Variants in TNFRSF19 observed in about 807,000 individuals in gnomAD.
The protein encoded by TNFRSF19 is tumor necrosis factor receptor superfamily member 19.
Under a neutral mutation model 46.4 loss-of-function variants are expected in TNFRSF19, and 27 were observed. That is an observed-to-expected ratio of 0.58 (90% CI 0.43 to 0.80). The LOEUF is 0.80. Ranked by LOEUF, TNFRSF19 falls within the 30% of genes least tolerant of loss-of-function variation. The pLI is 0.00. For missense variants in TNFRSF19, 511 were observed against 530.8 expected (o/e 0.96, Z 0.37); for synonymous variants, 204 against 205.0 (o/e 1.00, Z 0.04).
At chr13:23,649,359 G>A (rs1952704821) in intron 5 of TNFRSF19, among the ~76,000 whole-genome samples, 1 of 152,010 alleles carries the variant, frequency 6.6e-6, no homozygotes, top group African/African-American at 2.4e-5. Context: ...GCATATGACT[G>A]TTTATAGTAT....
At chr13:23,582,320 G>C (rs1287991591) in intron 1 of TNFRSF19, among the ~76,000 whole-genome samples, 1 of 151,538 alleles carries the variant, frequency 6.6e-6, no homozygotes, top group Admixed American at 6.6e-5. Flanking sequence ...AGAATGGCGT[G>C]AACCCGGGAG....
intron 9 of TNFRSF19, among the ~76,000 whole-genome samples, chr13:23,671,052 T>G (rs1473152826): frequency 1.3e-5 from 2 of 152,246 alleles, no homozygotes; most frequent in African/African-American, 4.8e-5. Flanking sequence ...GCCTGCTTTT[T>G]TTCTGTGTAT....
chr13:23,599,367 C>T lies in TNFRSF19; in HGVS notation c.180+5912C>T, dbSNP rs1022353961. Reference sequence around the variant, plus strand: ...ATATTTGAAGAGATTTATTCTGAGCCAAAAATGTGTGACCAGTGGCCCATG... The same window carrying T: ...ATATTTGAAGAGATTTATTCTGAGCTAAAAATGTGTGACCAGTGGCCCATG... On this transcript the variant is annotated intron_variant, in intron 3 of 9. Transcript: ENST00000248484. 8.5e-5 allele frequency among the ~76,000 whole-genome samples: 13 copies of T among 152,178 alleles called. No individual in the cohort carries two copies. The East Asian group carries it at 1.2e-3, about 14-fold the overall frequency.
intron 3 of TNFRSF19, among the ~76,000 whole-genome samples, chr13:23,595,306 G>A (rs9550988): frequency 6.6e-6 from 1 of 151,832 alleles, no homozygotes; most frequent in Non-Finnish European, 1.5e-5. Flanking sequence ...AATAACAAAC[G>A]TCACCAAGCT....
At chr13:23,612,203 C>G (rs562673992) in intron 3 of TNFRSF19, among the ~76,000 whole-genome samples, 1 of 152,172 alleles carries the variant, frequency 6.6e-6, no homozygotes, top group Non-Finnish European at 1.5e-5. Flanking sequence ...ACCAATGTCA[C>G]CATGGGTTGG....
chr13:23,575,776 G>C (rs1877914350), intron 1 of TNFRSF19, among the ~76,000 whole-genome samples: 1 of 152,114 alleles, frequency 6.6e-6, no homozygotes, highest in Non-Finnish European at 1.5e-5. Context: ...ATTTACACTA[G>C]AAATGACTAG....
rs768185710 is a variant in TNFRSF19 at position 23,668,873 on chromosome 13, C to T, written c.1021C>T (p.Leu341Phe). 2.5e-5 allele frequency: 40 copies of T among 1,614,154 alleles called. No individual in the cohort carries two copies. Among genetic ancestry groups the T allele is most frequent in the Non-Finnish European group, 3.0e-5 (35 of 1,180,070 alleles). The change falls in exon 9 of 10, where the codon CTT becomes TTT. Residue 341 changes from leucine (L) to phenylalanine (F), a missense_variant. By Grantham distance (22) the Leu-to-Phe change is conservative. Transcript: ENST00000248484. The part of the protein sequence containing the change: ...GEDIHSLNPE[L>F]ESSTSLDSNS... ...AGACATTCATTCTCTCAATCCAGAA[C>T]TTGAAAGCTCAACGTCTTTGGATTC...
intron 9 of TNFRSF19, among the ~76,000 whole-genome samples, chr13:23,672,007 CAT>C (rs1461541605): frequency 2.6e-5 from 4 of 152,192 alleles, no homozygotes; most frequent in African/African-American, 9.7e-5. Flanking sequence ...AGGAAAACAA[CAT>C]GTGTCCATCT....
Position 23,668,715 on chromosome 13 carries a change from T to C in TNFRSF19, c.863T>C (p.Met288Thr). Residue 288 changes from methionine (M) to threonine (T), a missense_variant, in exon 9 of 10, where the codon ATG (methionine) becomes ACG (threonine). Met to Thr is a moderately conservative substitution (Grantham distance 81, BLOSUM62 -1). Transcript: ENST00000248484. ...AGAAACGCAGGCCCAGCCGGGGAGA[T>C]GGTGCCGACTTTCTTCGGATCCCTC... ...QARNAGPAGE[M>T]VPTFFGSLTQ... The C allele has an allele frequency of 6.2e-7, 1 of 1,613,848 alleles. No homozygotes were observed. The highest frequency in any genetic ancestry group is 1.1e-5 in the South Asian group (1 of 91,002).
chr13:23,639,717 G>A (rs765691516), intron 5 of TNFRSF19, among the ~76,000 whole-genome samples: 1 of 152,212 alleles, frequency 6.6e-6, no homozygotes, highest in Non-Finnish European at 1.5e-5. Context: ...TGCGTGCCCT[G>A]ACCCGGCCCT....
At chr13:23,595,893 C>T (rs765703414) in intron 3 of TNFRSF19, among the ~76,000 whole-genome samples, 2 of 152,168 alleles carry the variant, frequency 1.3e-5, no homozygotes, top group South Asian at 2.1e-4. Flanking sequence ...GGAAACCCAT[C>T]GGACTAACAG....
At chr13:23,580,677 C>T (rs1327141679) in intron 1 of TNFRSF19, among the ~76,000 whole-genome samples, 1 of 152,216 alleles carries the variant, frequency 6.6e-6, no homozygotes, top group Non-Finnish European at 1.5e-5. Context: ...AGAATTGAGT[C>T]CTAGTGTGGA....
chr13:23,604,870 A>C (rs756712901), intron 3 of TNFRSF19, among the ~76,000 whole-genome samples: 8 of 152,176 alleles, frequency 5.3e-5, no homozygotes, highest in Non-Finnish European at 8.8e-5. Context: ...AAAGCTATAA[A>C]ACTCCTAGAA....
intron 1 of TNFRSF19, among the ~76,000 whole-genome samples, chr13:23,579,188 T>TG (rs1401715454): frequency 1.3e-5 from 2 of 151,990 alleles, no homozygotes; most frequent in Admixed American, 6.5e-5. Context: ...AGCCGCGGAG[T>TG]GGGGGCCTCC....
intron 3 of TNFRSF19, among the ~76,000 whole-genome samples, chr13:23,613,716 T>G (rs1317475586): frequency 2.0e-5 from 3 of 152,198 alleles, no homozygotes; most frequent in Non-Finnish European, 4.4e-5. Flanking sequence ...CACGTGCACC[T>G]GTGCCTTGAT....
chr13:23,668,924 G>A lies in TNFRSF19; in HGVS notation c.1072G>A (p.Gly358Arg). The A allele has an allele frequency of 1.9e-6, 3 of 1,614,236 alleles. No homozygotes were observed. Among genetic ancestry groups the A allele is most frequent in the Non-Finnish European group, 2.5e-6 (3 of 1,180,044 alleles). The part of the protein sequence containing the change: ...DSNSSQDLVG[G>R]AVPVQSHSEN... ...AAATAGCAGTCAAGATTTGGTTGGT[G>A]GGGCTGTTCCAGTCCAGTCTCATTC... The change falls in exon 9 of 10, where the codon GGG becomes AGG. Residue 358 changes from glycine to arginine, a missense_variant. Transcript: ENST00000248484.
At chr13:23,640,261 C>A (rs1882953684) in intron 5 of TNFRSF19, among the ~76,000 whole-genome samples, 1 of 152,196 alleles carries the variant, frequency 6.6e-6, no homozygotes, top group Non-Finnish European at 1.5e-5. Context: ...GACTTGGTGA[C>A]TTCTAGCTTA....
At chr13:23,600,575 G>A (rs1013611967) in intron 3 of TNFRSF19, among the ~76,000 whole-genome samples, 3 of 152,212 alleles carry the variant, frequency 2.0e-5, no homozygotes, top group Non-Finnish European at 2.9e-5. Flanking sequence ...GGCAGAAAAG[G>A]AACATTTTGA....
chr13:23,623,788 G>A (rs1566192703), intron 4 of TNFRSF19, among the ~76,000 whole-genome samples: 5 of 152,056 alleles, frequency 3.3e-5, no homozygotes, highest in African/African-American at 7.2e-5. Context: ...CTGGAGAAAT[G>A]TCTATTCAAG....
Sources: gnomAD v4.1 joint callset for allele counts (sites outside exome capture counted in the v4.1 genomes callset) on GRCh38, gnomAD v4.1.1 for gene constraint, MANE v1.5 for transcripts, NCBI Gene and HGNC (gene_info 2026-07-23, HGNC 2026-07-21) for gene names.